The following RBFOX3 variants were observed in gnomAD, a reference collection of about 807,000 sequenced individuals.
RBFOX3 encodes the protein RNA binding fox-1 homolog 3, also known as RNA binding protein fox-1 homolog 3.
A neutral mutation model predicts 48.7 loss-of-function variants in RBFOX3; 17 were observed. The observed-to-expected ratio is 0.35, with a 90% CI of 0.24 to 0.52. The LOEUF (loss-of-function observed/expected upper bound fraction) is 0.52. Ranked by LOEUF, RBFOX3 falls within the 20% of genes least tolerant of loss-of-function variation. The pLI is 0.94. For synonymous variants in RBFOX3, 212 were observed against 209.5 expected (o/e 1.01, Z -0.10); for missense variants, 382 against 497.5 (o/e 0.77, Z 2.21).
At chr17:79,227,328 C>T (rs1407190668) in intron 4 of RBFOX3, among the ~76,000 whole-genome samples, 1 of 152,180 alleles carries the variant, frequency 6.6e-6, no homozygotes. Flanking sequence ...TTCCCCTTTT[C>T]CTCCTGGGCT....
intron 4 of RBFOX3, among the ~76,000 whole-genome samples, chr17:79,134,555 G>C (rs1023381372): frequency 3.3e-5 from 5 of 152,226 alleles, no homozygotes. Flanking sequence ...TTGAGACTCT[G>C]CTCCTCAAAG....
At chr17:79,125,409 T>A (rs114559452) in intron 4 of RBFOX3, among the ~76,000 whole-genome samples, 4,324 of 152,306 alleles carry the variant, frequency 0.028, 203 homozygotes, top group African/African-American at 0.096. Flanking sequence ...CTTCCAGACC[T>A]AGAGCTGAGG....
At chr17:79,589,641 G>T (rs993858268) in intron 1 of RBFOX3, among the ~76,000 whole-genome samples, 1 of 152,176 alleles carries the variant, frequency 6.6e-6, no homozygotes, top group Non-Finnish European at 1.5e-5. Flanking sequence ...GACGCCCTGG[G>T]GGCTGTACCA....
intron 2 of RBFOX3, among the ~76,000 whole-genome samples, chr17:79,322,280 G>C (rs2078644024): frequency 6.6e-6 from 1 of 152,060 alleles, no homozygotes; most frequent in East Asian, 1.9e-4. Flanking sequence ...GGAAGAGCAA[G>C]AAGCTGCTCT....
intron 3 of RBFOX3, among the ~76,000 whole-genome samples, chr17:79,273,021 A>G (rs2068018733): frequency 1.3e-5 from 2 of 152,136 alleles, no homozygotes; most frequent in South Asian, 4.1e-4. Context: ...AAGGGGCGCC[A>G]TGCTGGGGCT....
chr17:79,471,439 G>A lies in RBFOX3; in HGVS notation c.-175+11015C>T, dbSNP rs2077051162. On this transcript the variant is annotated intron_variant, in intron 2 of 14. Coordinates refer to ENST00000693108, the MANE Select transcript of RBFOX3 (RefSeq NM_001350451.2). This position sits in a 1 kb window ranked among gnomAD's most constrained non-coding sequence, Gnocchi z 4.0. ...GGTTTAGAATAATGACCCATCCAATGACATTCTGGCTCACAGACAAGAGAC... is the reference window on the plus strand; with the variant it reads ...GGTTTAGAATAATGACCCATCCAATAACATTCTGGCTCACAGACAAGAGAC... 6.6e-6 allele frequency among the ~76,000 whole-genome samples: 1 copy of A among 152,214 alleles called. No individual in the cohort carries two copies. The highest frequency in any genetic ancestry group is 1.5e-5 in the Non-Finnish European group (1 of 68,044).
intron 3 of RBFOX3, among the ~76,000 whole-genome samples, chr17:79,261,857 G>T (rs2065841034): frequency 6.6e-6 from 1 of 152,194 alleles, no homozygotes; most frequent in East Asian, 1.9e-4. Flanking sequence ...GATGGAACCC[G>T]AAGAGGGGAG....
chr17:79,599,708 A>G (rs2093658926), intron 1 of RBFOX3: 1 of 152,230 alleles, frequency 6.6e-6, no homozygotes, highest in Non-Finnish European at 1.5e-5. Context: ...TATTTTCTTA[A>G]AGGGAGAAAA....
chr17:79,564,345 T>C (rs2092372860), intron 1 of RBFOX3, among the ~76,000 whole-genome samples: 1 of 152,336 alleles, frequency 6.6e-6, no homozygotes, highest in African/African-American at 2.4e-5. Context: ...AACCAGGAGC[T>C]GGTGTAGTGG....
At chr17:79,123,625 G>A (rs1464220073) in intron 4 of RBFOX3, among the ~76,000 whole-genome samples, 1 of 112,920 alleles carries the variant, frequency 8.9e-6, no homozygotes, top group Non-Finnish European at 2.0e-5. Context: ...GTCTCGGTGG[G>A]CGTGCTCGCT....
At chr17:79,290,392 T>C (rs1200614789) in intron 3 of RBFOX3, among the ~76,000 whole-genome samples, 1 of 152,074 alleles carries the variant, frequency 6.6e-6, no homozygotes, top group Non-Finnish European at 1.5e-5. Context: ...GGCCTCATTT[T>C]CCCCATCTGG....
the RBFOX3 span, among the ~76,000 whole-genome samples, chr17:79,624,265 C>T: frequency 1.3e-5 from 2 of 152,130 alleles, no homozygotes; most frequent in African/African-American, 4.8e-5. Context: ...TTCCCCGAGA[C>T]CCGTCAGCTC....
chr17:79,478,243 C>T (rs1172619076), intron 2 of RBFOX3, among the ~76,000 whole-genome samples: 2 of 152,210 alleles, frequency 1.3e-5, no homozygotes, highest in Admixed American at 6.5e-5. Flanking sequence ...GCAGGAAGCA[C>T]GCTCATTTGG....
At chr17:79,347,762 G>A (rs1007069623) in intron 2 of RBFOX3, among the ~76,000 whole-genome samples, 5 of 152,180 alleles carry the variant, frequency 3.3e-5, no homozygotes, top group African/African-American at 1.2e-4. Flanking sequence ...TCTCATTTAG[G>A]AGGTTTATTA....
intron 11 of RBFOX3, 88 bp downstream of exon 11, chr17:79,097,204 G>A (rs368138944): frequency 2.8e-6 from 3 of 1,071,468 alleles, no homozygotes; most frequent in African/African-American, 3.3e-5. Context: ...AGGCTGCCTA[G>A]CCCCTCGCAC....
chr17:79,518,440 T>A (rs1388645210), intron 1 of RBFOX3, among the ~76,000 whole-genome samples: 2 of 152,308 alleles, frequency 1.3e-5, no homozygotes, highest in East Asian at 3.9e-4. Flanking sequence ...GGGCCCCAAG[T>A]CCTCCGGGTC....
At position 79,309,188 on chromosome 17, in the gene RBFOX3, C is replaced by T. The variant is rs546537662; in HGVS notation, c.-174-1364G>A. ...TTATAGCAGCCCCAGCCCACTAAGACAGAGCCTCACGTGGCTTGTATTCCT... is the reference window on the plus strand; with the variant it reads ...TTATAGCAGCCCCAGCCCACTAAGATAGAGCCTCACGTGGCTTGTATTCCT... On this transcript the variant is annotated intron_variant, in intron 2 of 14. Transcript: ENST00000693108. Among the ~76,000 whole-genome samples the T allele has an allele frequency of 2.6e-5, 4 of 152,116 alleles. No individual in the cohort carries two copies. The South Asian group carries it at 8.3e-4, about 32-fold the overall frequency.
At chr17:79,206,485 C>T (rs1172721724) in intron 4 of RBFOX3, among the ~76,000 whole-genome samples, 3 of 152,158 alleles carry the variant, frequency 2.0e-5, no homozygotes, top group Non-Finnish European at 4.4e-5. Flanking sequence ...TGAGGCTGGC[C>T]GTCATCTTGA....
chr17:79,412,198 G>T (rs571216620), intron 2 of RBFOX3, among the ~76,000 whole-genome samples: 200 of 151,614 alleles, frequency 1.3e-3, no homozygotes, highest in Non-Finnish European at 1.0e-3. Flanking sequence ...ATGTGTGAGG[G>T]CATAGTGTGT....
Sources: gnomAD v4.1 joint callset for allele counts (sites outside exome capture counted in the v4.1 genomes callset) on GRCh38, gnomAD v4.1.1 for gene constraint, Gnocchi (gnomAD v3.1) non-coding constraint, MANE v1.5 for transcripts, NCBI Gene and HGNC (gene_info 2026-07-23, HGNC 2026-07-21) for gene names.